The following FOXO3 variants were observed in gnomAD, a reference collection of about 807,000 sequenced individuals.
The protein encoded by FOXO3 is forkhead box O3, also known as forkhead box protein O3.
Under a neutral mutation model 41.9 loss-of-function variants are expected in FOXO3, and 4 were observed. That is an observed-to-expected ratio of 0.10 (90% CI 0.05 to 0.22). FOXO3 has a LOEUF of 0.22. Ranked by LOEUF, FOXO3 falls within the 10% of genes least tolerant of loss-of-function variation. The pLI, the probability that FOXO3 is intolerant of heterozygous loss-of-function variation, is 1.00. For missense variants in FOXO3, 534 were observed against 906.8 expected (o/e 0.59, Z 5.28); for synonymous variants, 318 against 389.3 (o/e 0.82, Z 2.16).
intron 1 of FOXO3, among the ~76,000 whole-genome samples, chr6:108,603,993 A>G (rs1363984149): frequency 6.6e-6 from 1 of 152,162 alleles, no homozygotes; most frequent in East Asian, 1.9e-4. Context: ...TTGCCTAGGA[A>G]TGGTGACTTA....
At chr6:108,595,413 C>G (rs1411965542) in intron 1 of FOXO3, among the ~76,000 whole-genome samples, 1 of 152,166 alleles carries the variant, frequency 6.6e-6, no homozygotes, top group Admixed American at 6.5e-5. Flanking sequence ...ATTCATTTCC[C>G]AAGCATACTC....
At chr6:108,651,882 A>T (rs1778556128) in intron 1 of FOXO3, among the ~76,000 whole-genome samples, 1 of 152,232 alleles carries the variant, frequency 6.6e-6, no homozygotes, top group South Asian at 2.1e-4. Flanking sequence ...GGCAAAAGGC[A>T]TCATATTTTA....
intron 2 of FOXO3, among the ~76,000 whole-genome samples, chr6:108,678,831 C>A (rs1770722700): frequency 6.7e-6 from 1 of 148,758 alleles, no homozygotes; most frequent in African/African-American, 2.4e-5. Context: ...AGTTCAAGTC[C>A]AGCCTGGGCA....
At chr6:108,583,062 G>A (rs1461438779) in intron 1 of FOXO3, among the ~76,000 whole-genome samples, 1 of 152,128 alleles carries the variant, frequency 6.6e-6, no homozygotes, top group African/African-American at 2.4e-5. Flanking sequence ...TGTAAAGGAG[G>A]TTACTTGAAA....
At chr6:108,600,351 G>T (rs909670958) in intron 1 of FOXO3, among the ~76,000 whole-genome samples, 1 of 151,840 alleles carries the variant, frequency 6.6e-6, no homozygotes, top group African/African-American at 2.4e-5. Flanking sequence ...TTCAAGACCA[G>T]CCTGGCCAAC....
chr6:108,638,060 G>T (rs895871337), intron 1 of FOXO3, among the ~76,000 whole-genome samples: 12 of 152,194 alleles, frequency 7.9e-5, no homozygotes, highest in South Asian at 2.1e-4. Context: ...ATTAGAATAT[G>T]AGTAACTTTT....
chr6:108,574,134 C>T (rs1392962075), intron 1 of FOXO3, among the ~76,000 whole-genome samples: 4 of 129,564 alleles, frequency 3.1e-5, no homozygotes, highest in Non-Finnish European at 3.1e-5. Flanking sequence ...GCCTGGGCGA[C>T]AGAGCGAGAC....
Position 108,577,962 on chromosome 6 carries a change from TAGTTA to T in FOXO3, c.621+16139_621+16143del, listed in dbSNP as rs912155837. On this transcript the variant is annotated intron_variant, in intron 1 of 2. Transcript: ENST00000406360. ...CATTTTTCTAGTCTCTACTGGACCCTAGTTAAGTTATTTTGAAGTTTTCAGGAATT... is the reference window on the plus strand; with the variant it reads ...CATTTTTCTAGTCTCTACTGGACCCTAGTTATTTTGAAGTTTTCAGGAATT... Among the ~76,000 whole-genome samples, 135 of 152,352 alleles carry T rather than the reference TAGTTA, an allele frequency of 8.9e-4. 2 individuals carry two copies. The highest frequency in any genetic ancestry group is 8.3e-4 in the South Asian group (4 of 4,826).
rs1432701130 is a variant in FOXO3 at position 108,575,235 on chromosome 6, T to G, written c.621+13406T>G. 3.9e-5 allele frequency among the ~76,000 whole-genome samples: 6 copies of G among 152,184 alleles called. No homozygotes were observed. The East Asian group carries it at 5.8e-4, about 15-fold the overall frequency. ...TCCTGAAGTGTCCTAATCATTGATT[T>G]TTAAAAATGATATTTCTTTCATCAT... is the stretch of plus-strand genomic sequence containing the variant. On this transcript the variant is annotated intron_variant, in intron 1 of 2. Coordinates refer to ENST00000406360, the MANE Select transcript of FOXO3 (RefSeq NM_001455.4).
At chr6:108,623,900 AGTT>A (rs1181151659) in intron 1 of FOXO3, among the ~76,000 whole-genome samples, 26 of 152,190 alleles carry the variant, frequency 1.7e-4, no homozygotes, top group Admixed American at 2.6e-4. Flanking sequence ...AAGTTTTCTT[AGTT>A]GTTTGTTAAA....
intron 1 of FOXO3, among the ~76,000 whole-genome samples, chr6:108,583,650 C>G (rs1471137602): frequency 6.6e-6 from 1 of 152,154 alleles, no homozygotes; most frequent in African/African-American, 2.4e-5. Context: ...CTATTAAAGT[C>G]TGATAATGCT....
At chr6:108,672,844 AT>A (rs143369629) in intron 2 of FOXO3, among the ~76,000 whole-genome samples, 1,797 of 150,182 alleles carry the variant, frequency 0.012, 50 homozygotes, top group African/African-American at 0.043. Flanking sequence ...AGGTTGTGGG[AT>A]TTTTTTGTTT....
At chr6:108,672,866 T>A (rs529260436) in intron 2 of FOXO3, among the ~76,000 whole-genome samples, 5 of 152,244 alleles carry the variant, frequency 3.3e-5, no homozygotes, top group Admixed American at 6.5e-5. Flanking sequence ...CCTTTTTTTT[T>A]AAATGTGTTT....
chr6:108,677,703 G>A (rs1020967871), intron 2 of FOXO3, among the ~76,000 whole-genome samples: 3 of 152,050 alleles, frequency 2.0e-5, no homozygotes, highest in East Asian at 1.9e-4. Context: ...ATTGTGAGGG[G>A]AAAAAACCAA....
rs1432328704 is a variant in FOXO3 at position 108,561,801 on chromosome 6, G to A, written c.593G>A (p.Gly198Asp). The change falls in exon 1 of 3, where the codon GGC (glycine) becomes GAC (aspartate). Residue 198 changes from glycine (G) to aspartate (D), a missense_variant. This residue lies in a region of FOXO3 where 77 missense variants were observed against 193.2 expected (regional missense o/e 0.40). Transcript: ENST00000406360. ...VRCVPYFKDK[G>D]DSNSSAGWKN... ...TGCGTGCCCTACTTCAAGGATAAGG[G>A]CGACAGCAACAGCTCTGCCGGCTGG... is the stretch of plus-strand genomic sequence containing the variant. The A allele has an allele frequency of 6.3e-7, 1 of 1,593,134 alleles. No individual in the cohort carries two copies. Among genetic ancestry groups the A allele is most frequent in the Non-Finnish European group, 8.5e-7 (1 of 1,170,850 alleles).
At chr6:108,651,089 G>A (rs1778537970) in intron 1 of FOXO3, among the ~76,000 whole-genome samples, 1 of 152,246 alleles carries the variant, frequency 6.6e-6, no homozygotes, top group African/African-American at 2.4e-5. Context: ...CTGAATTTCA[G>A]TGAGGTGTGG....
intron 1 of FOXO3, among the ~76,000 whole-genome samples, chr6:108,605,005 A>G (rs149619216): frequency 2.5e-4 from 38 of 152,322 alleles, no homozygotes; most frequent in African/African-American, 8.4e-4. Context: ...GGCTTTATTA[A>G]TTTTTATTTT....
At chr6:108,625,673 T>C (rs1355639317) in intron 1 of FOXO3, among the ~76,000 whole-genome samples, 2 of 152,142 alleles carry the variant, frequency 1.3e-5, no homozygotes, top group Non-Finnish European at 2.9e-5. Context: ...AGACCTCTCT[T>C]GGAAGGATGC....
chr6:108,669,747 G>A (rs1008968728), intron 2 of FOXO3, among the ~76,000 whole-genome samples: 2 of 152,250 alleles, frequency 1.3e-5, no homozygotes, highest in South Asian at 4.1e-4. Flanking sequence ...TTCCTGGAAA[G>A]CAGTGACATT....
Sources: gnomAD v4.1 joint callset for allele counts (sites outside exome capture counted in the v4.1 genomes callset) on GRCh38, gnomAD v4.1.1 for gene constraint, gnomAD v4.1.1 regional missense constraint, MANE v1.5 for transcripts, NCBI Gene and HGNC (gene_info 2026-07-23, HGNC 2026-07-21) for gene names.